The following RXFP1 variants were observed in gnomAD, a reference collection of about 807,000 sequenced individuals.
RXFP1 encodes the protein relaxin family peptide receptor 1.
Under a neutral mutation model 89.8 loss-of-function variants are expected in RXFP1, and 73 were observed. That is an observed-to-expected ratio of 0.81 (90% CI 0.67 to 0.99). RXFP1 has a LOEUF of 0.99. Among genes scored for constraint, RXFP1 ranks in the 50% least tolerant of loss-of-function variants. The probability of loss-of-function intolerance (pLI) is 0.00; values close to 1 mark genes in which losing one functional copy is unlikely to be tolerated. For synonymous variants in RXFP1, 277 were observed against 305.5 expected (o/e 0.91, Z 0.97); for missense variants, 793 against 895.5 (o/e 0.89, Z 1.46).
In RXFP1 at chr4:158,605,215, A is replaced by G. The variant is rs982740520; in HGVS notation, c.464+76A>G. On this transcript the variant is annotated intron_variant, in intron 5 of 17. Coordinates refer to ENST00000307765, the MANE Select transcript of RXFP1 (RefSeq NM_021634.4). The stretch of plus-strand genomic sequence containing the variant: ...ATGTCTTTTTCTTCCTACTTCTGTG[A>G]ACACCAACACTATTCCGCTGCTTGT... 28 of 756,678 alleles carry G rather than the reference A, an allele frequency of 3.7e-5. 1 individual carries two copies. Among genetic ancestry groups the G allele is most frequent in the South Asian group, 9.0e-5 (5 of 55,252 alleles). The allele number at this position is 756,678 out of a possible 1,614,324, so 46.9% of individuals were successfully genotyped here.
chr4:158,622,639 C>G (rs569074992), intron 9 of RXFP1, among the ~76,000 whole-genome samples: 1 of 152,140 alleles, frequency 6.6e-6, no homozygotes, highest in Non-Finnish European at 1.5e-5. Context: ...TGCGTAATCT[C>G]ATTTATACGT....
In RXFP1 at chr4:158,647,090, A is replaced by C. The variant is rs1771710049; in HGVS notation, c.1645A>C (p.Asn549His). 6.2e-7 allele frequency: 1 copy of C among 1,614,134 alleles called. No homozygotes were observed. The highest frequency in any genetic ancestry group is 1.1e-5 in the South Asian group (1 of 91,084). ...TATAGTGGCTTTCATTCCATTGAGC[A>C]ATAAGGAATTTTTCAAAAACTACTA... ...GFIVAFIPLS[N>H]KEFFKNYYGT... The change falls in exon 16 of 18, where the codon AAT (asparagine) becomes CAT (histidine). Residue 549 changes from asparagine (N) to histidine (H), a missense_variant. Asn to His is a moderately conservative substitution (Grantham distance 68). Transcript: ENST00000307765.
At chr4:158,546,982 T>A (rs1024496104) in intron 1 of RXFP1, among the ~76,000 whole-genome samples, 1 of 152,170 alleles carries the variant, frequency 6.6e-6, no homozygotes, top group African/African-American at 2.4e-5. Flanking sequence ...TTAGGGAGGA[T>A]TCCCTCTTTT....
chr4:158,611,754 A>G (rs895864948), intron 6 of RXFP1, among the ~76,000 whole-genome samples: 1 of 152,194 alleles, frequency 6.6e-6, no homozygotes, highest in Non-Finnish European at 1.5e-5. Context: ...ATGGCAGAGC[A>G]ACCATGCATT....
chr4:158,645,343 C>T (rs1013861252), intron 15 of RXFP1, among the ~76,000 whole-genome samples: 2 of 152,158 alleles, frequency 1.3e-5, no homozygotes, highest in Admixed American at 6.5e-5. Flanking sequence ...GAAATTTAAT[C>T]ACCTTATGCA....
chr4:158,561,789 G>A (rs187302607), intron 1 of RXFP1, among the ~76,000 whole-genome samples: 25 of 151,610 alleles, frequency 1.6e-4, no homozygotes, highest in African/African-American at 5.6e-4. Flanking sequence ...TACCATGCTC[G>A]GCTAATTTTT....
At chr4:158,547,165 G>T (rs543659666) in intron 1 of RXFP1, among the ~76,000 whole-genome samples, 2 of 152,042 alleles carry the variant, frequency 1.3e-5, no homozygotes, top group African/African-American at 2.4e-5. Context: ...ACTTCTTCCT[G>T]GTTTAGTCTT....
intron 1 of RXFP1, among the ~76,000 whole-genome samples, chr4:158,527,564 A>AAAATATATATAT (rs5741905): frequency 0.32 from 31,429 of 98,054 alleles, 6,450 homozygotes; most frequent in Non-Finnish European, 0.42. Context: ...AAAAAAAAAA[A>AAAATATATATAT]ATATATATAT....
intron 9 of RXFP1, among the ~76,000 whole-genome samples, chr4:158,623,177 A>G (rs1475679306): frequency 1.3e-5 from 2 of 152,074 alleles, no homozygotes; most frequent in African/African-American, 4.8e-5. Flanking sequence ...ACAAAAGAAA[A>G]TGTAGACATA....
intron 4 of RXFP1, among the ~76,000 whole-genome samples, chr4:158,602,052 C>T (rs1761784598): frequency 6.6e-6 from 1 of 152,058 alleles, no homozygotes; most frequent in Non-Finnish European, 1.5e-5. Context: ...AAACACAAAC[C>T]CTCTTTGACT....
intron 1 of RXFP1, among the ~76,000 whole-genome samples, chr4:158,564,325 T>C (rs1195096278): frequency 2.6e-5 from 4 of 152,216 alleles, no homozygotes; most frequent in Non-Finnish European, 5.9e-5. Context: ...CAATCCCTAC[T>C]GTCTTATAAG....
chr4:158,588,670 A>G (rs1332938391), intron 2 of RXFP1, among the ~76,000 whole-genome samples: 1 of 152,176 alleles, frequency 6.6e-6, no homozygotes, highest in African/African-American at 2.4e-5. Flanking sequence ...GCTCTACAGG[A>G]GGTGTGAAAT....
rs746373701 is a variant in RXFP1, at chr4:158,647,076, T to C, written c.1631T>C (p.Phe544Ser). 1 of 1,614,190 alleles carries C rather than the reference T, an allele frequency of 6.2e-7. No individual in the cohort carries two copies. Residue 544 changes from phenylalanine to serine, a missense_variant, in exon 16 of 18, where the codon TTC (phenylalanine) becomes TCC (serine). Transcript: ENST00000307765. ...LIWITGFIVA[F>S]IPLSNKEFFK... ...TGGATTACTGGTTTTATAGTGGCTT[T>C]CATTCCATTGAGCAATAAGGAATTT...
At chr4:158,607,904 A>G in intron 5 of RXFP1, 68 bp from the exon 6 acceptor site, 2 of 1,020,038 alleles carry the variant, frequency 2.0e-6, no homozygotes, top group East Asian at 2.4e-5. Context: ...CATCCACAGA[A>G]TTCTTTTTGT....
At chr4:158,529,905 T>G (rs1743603961) in intron 1 of RXFP1, among the ~76,000 whole-genome samples, 1 of 152,226 alleles carries the variant, frequency 6.6e-6, no homozygotes, top group African/African-American at 2.4e-5. Context: ...TAATTAGGAC[T>G]TTCATAGAGA....
intron 12 of RXFP1, 108 bp downstream of exon 12, chr4:158,633,584 G>A: frequency 1.6e-6 from 1 of 620,224 alleles, no homozygotes; most frequent in Non-Finnish European, 2.7e-6. Flanking sequence ...TAGTTGAGTA[G>A]CATTAGCTAC....
chr4:158,585,438 T>C (rs1489757792), intron 2 of RXFP1, among the ~76,000 whole-genome samples: 1 of 152,090 alleles, frequency 6.6e-6, no homozygotes, highest in Non-Finnish European at 1.5e-5. Flanking sequence ...TTTGTCCTCA[T>C]CCCCCAGTGC....
chr4:158,558,540 A>G lies in RXFP1; in HGVS notation c.50-14158A>G, dbSNP rs371369596. 6.5e-4 allele frequency among the ~76,000 whole-genome samples: 99 copies of G among 152,302 alleles called. 2 individuals are homozygous for G. The South Asian group carries it at 0.02, about 31-fold the overall frequency. On this transcript the variant is annotated intron_variant, in intron 1 of 17. Coordinates refer to ENST00000307765, the MANE Select transcript of RXFP1 (RefSeq NM_021634.4). ...TCCTCATTCTTTCCTTAATAACTAC[A>G]AAAAAATAAAGCTGAACCAAATGTT...
At chr4:158,611,669 C>G (rs974902722) in intron 6 of RXFP1, among the ~76,000 whole-genome samples, 1 of 152,218 alleles carries the variant, frequency 6.6e-6, no homozygotes, top group African/African-American at 2.4e-5. Flanking sequence ...TTTAGTAAAG[C>G]CTTCTCCTGG....
Sources: gnomAD v4.1 joint callset for allele counts (sites outside exome capture counted in the v4.1 genomes callset) on GRCh38, gnomAD v4.1.1 for gene constraint, MANE v1.5 for transcripts, NCBI Gene and HGNC (gene_info 2026-07-23, HGNC 2026-07-21) for gene names.